Variants in SH3GL2 observed in about 807,000 individuals in gnomAD.
The protein encoded by SH3GL2 is SH3 domain containing GRB2 like 2, endophilin A1, also known as endophilin-A1.
Under a neutral mutation model 46.0 loss-of-function variants are expected in SH3GL2, and 24 were observed. The observed-to-expected ratio is 0.52, with a 90% CI of 0.38 to 0.73. The LOEUF (loss-of-function observed/expected upper bound fraction) is 0.73. Among genes scored for constraint, SH3GL2 ranks in the 30% least tolerant of loss-of-function variants. The probability of loss-of-function intolerance (pLI) is 0.00; values close to 1 mark genes in which losing one functional copy is unlikely to be tolerated. For missense variants in SH3GL2, 413 were observed against 424.2 expected (o/e 0.97, Z 0.23); for synonymous variants, 196 against 147.1 (o/e 1.33, Z -2.40).
At chr9:17,614,460 T>A (rs1818941532) in intron 1 of SH3GL2, among the ~76,000 whole-genome samples, 1 of 152,082 alleles carries the variant, frequency 6.6e-6, no homozygotes, top group South Asian at 2.1e-4. Context: ...CCCTGTGGAC[T>A]GGCCCACTAA....
At chr9:17,715,845 A>G (rs1821742930) in intron 1 of SH3GL2, among the ~76,000 whole-genome samples, 1 of 152,056 alleles carries the variant, frequency 6.6e-6, no homozygotes, top group Admixed American at 6.6e-5. Flanking sequence ...CCCTTACATT[A>G]GCCTGTAGAT....
At chr9:17,771,999 G>A (rs1292654791) in intron 3 of SH3GL2, among the ~76,000 whole-genome samples, 1 of 152,150 alleles carries the variant, frequency 6.6e-6, no homozygotes, top group Non-Finnish European at 1.5e-5. Flanking sequence ...TCTCATTACA[G>A]TATAACTCTT....
chr9:17,613,886 T>G (rs921041537), intron 1 of SH3GL2, among the ~76,000 whole-genome samples: 1 of 152,184 alleles, frequency 6.6e-6, no homozygotes, highest in African/African-American at 2.4e-5. Flanking sequence ...CTCATCTTAA[T>G]GCCACTAAAT....
intron 1 of SH3GL2, among the ~76,000 whole-genome samples, chr9:17,684,442 A>G (rs1820853002): frequency 6.6e-6 from 1 of 152,098 alleles, no homozygotes; most frequent in South Asian, 2.1e-4. Context: ...AAAATGTTAG[A>G]GCCCCTAAGA....
intron 1 of SH3GL2, among the ~76,000 whole-genome samples, chr9:17,627,945 G>A (rs1048314140): frequency 1.5e-4 from 23 of 152,122 alleles, no homozygotes; most frequent in African/African-American, 5.3e-4. Context: ...TCATGTCTCG[G>A]GCTTCTTACT....
At chr9:17,612,063 G>T (rs1021668793) in intron 1 of SH3GL2, among the ~76,000 whole-genome samples, 8 of 152,178 alleles carry the variant, frequency 5.3e-5, no homozygotes, top group Non-Finnish European at 1.0e-4. Context: ...GAGGTGCCTG[G>T]GGGAAGGTTG....
chr9:17,614,295 G>GAAA (rs3084628), intron 1 of SH3GL2, among the ~76,000 whole-genome samples: 2,941 of 70,194 alleles, frequency 0.042, 394 homozygotes, highest in Non-Finnish European at 0.044. Flanking sequence ...CATGGTTTCT[G>GAAA]AAAAAAAAAA....
chr9:17,727,885 T>A (rs900321209), intron 1 of SH3GL2, among the ~76,000 whole-genome samples: 3 of 152,044 alleles, frequency 2.0e-5, no homozygotes, highest in African/African-American at 7.2e-5. Flanking sequence ...ACCCAGATAA[T>A]CTGCTGTCCC....
intron 1 of SH3GL2, among the ~76,000 whole-genome samples, chr9:17,646,518 A>G (rs1280047860): frequency 6.6e-6 from 1 of 151,846 alleles, no homozygotes; most frequent in African/African-American, 2.4e-5. Flanking sequence ...GGATTTATCT[A>G]CCTTTGGTCT....
chr9:17,748,985 T>G lies in SH3GL2; in HGVS notation c.114+1851T>G, dbSNP rs367961239. On this transcript the variant is annotated intron_variant, in intron 2 of 8. Transcript: ENST00000380607. ...TCCTGTGAAATCAGACTGCATAGTATTGATCCAGCTGGTCATTCTGGCTAA... is the reference window on the plus strand; with the variant it reads ...TCCTGTGAAATCAGACTGCATAGTAGTGATCCAGCTGGTCATTCTGGCTAA... Among the ~76,000 whole-genome samples the G allele has an allele frequency of 9.6e-4, 147 of 152,338 alleles. 1 individual carries two copies. The South Asian group carries it at 0.029, about 30-fold the overall frequency.
intron 1 of SH3GL2, among the ~76,000 whole-genome samples, chr9:17,663,463 C>T (rs554918741): frequency 2.0e-5 from 3 of 152,298 alleles, no homozygotes; most frequent in Middle Eastern, 3.4e-3. Flanking sequence ...CACACATACT[C>T]TGATTAATTT....
intron 3 of SH3GL2, among the ~76,000 whole-genome samples, chr9:17,771,136 T>C (rs1823467718): frequency 6.6e-6 from 1 of 152,196 alleles, no homozygotes; most frequent in African/African-American, 2.4e-5. Flanking sequence ...AACTGTCTGC[T>C]GGGGCCATCA....
chr9:17,733,666 C>T (rs1298012078), intron 1 of SH3GL2, among the ~76,000 whole-genome samples: 1 of 151,904 alleles, frequency 6.6e-6, no homozygotes, highest in Non-Finnish European at 1.5e-5. Flanking sequence ...AAGACACATG[C>T]ACACATGTGT....
chr9:17,651,673 T>C (rs138009527), intron 1 of SH3GL2, among the ~76,000 whole-genome samples: 339 of 152,314 alleles, frequency 2.2e-3, no homozygotes, highest in Admixed American at 3.7e-3. Context: ...ATTTTGCTTT[T>C]TATTTTGAAA....
chr9:17,647,903 G>T (rs950789564), intron 1 of SH3GL2, among the ~76,000 whole-genome samples: 1 of 152,120 alleles, frequency 6.6e-6, no homozygotes, highest in African/African-American at 2.4e-5. Flanking sequence ...TTGAGACAGT[G>T]AGGCCAGTCC....
intron 1 of SH3GL2, among the ~76,000 whole-genome samples, chr9:17,606,368 G>A (rs1818761931): frequency 6.6e-6 from 1 of 152,152 alleles, no homozygotes; most frequent in African/African-American, 2.4e-5. Flanking sequence ...TGGGATTACA[G>A]GCGTAAGCCA....
chr9:17,671,590 A>G (rs59558598), intron 1 of SH3GL2, among the ~76,000 whole-genome samples: 1 of 152,118 alleles, frequency 6.6e-6, no homozygotes, highest in East Asian at 1.9e-4. Context: ...AAAACATCTC[A>G]TGTACCCCAT....
At chr9:17,757,426 T>A (rs2131145504) in intron 2 of SH3GL2, among the ~76,000 whole-genome samples, 1 of 152,234 alleles carries the variant, frequency 6.6e-6, no homozygotes, top group Non-Finnish European at 1.5e-5. Context: ...AAAGAGCTAA[T>A]ATCCAGAATC....
At chr9:17,636,650 G>A (rs188805320) in intron 1 of SH3GL2, among the ~76,000 whole-genome samples, 1 of 152,302 alleles carries the variant, frequency 6.6e-6, no homozygotes, top group East Asian at 1.9e-4. Flanking sequence ...TAGCCATAGA[G>A]TTAATAACCC....
Sources: allele counts gnomAD v4.1 joint callset (sites outside exome capture counted in the v4.1 genomes callset), GRCh38; gene constraint gnomAD v4.1.1; transcripts MANE v1.5; gene names NCBI Gene and HGNC (gene_info 2026-07-23, HGNC 2026-07-21).